MAML2: variants seen among roughly 807,000 people sequenced by gnomAD.
MAML2 encodes mastermind like transcriptional coactivator 2, also known as mastermind-like protein 2.
Under a neutral mutation model 96.1 loss-of-function variants are expected in MAML2, and 22 were observed. The ratio of observed to expected loss-of-function variants is 0.23; its 90% confidence interval spans 0.16 to 0.33. The LOEUF (loss-of-function observed/expected upper bound fraction) is 0.33, where lower values mean the gene tolerates loss of function less well. MAML2 is among the 10% of genes least tolerant of loss of function. The pLI, the probability that MAML2 is intolerant of heterozygous loss-of-function variation, is 1.00. For synonymous variants in MAML2, 561 were observed against 521.3 expected (o/e 1.08, Z -1.04); for missense variants, 1,367 against 1,392.4 (o/e 0.98, Z 0.29).
At position 96,244,916 on chromosome 11, in the gene MAML2, T is replaced by TTA. The variant is rs577285364; in HGVS notation, c.513+96465_513+96466dup. On this transcript the variant is annotated intron_variant, in intron 1 of 4. Coordinates refer to ENST00000524717, the MANE Select transcript of MAML2 (RefSeq NM_032427.4). ...CAGTCATAAGATGTGCACAAAATAC[T>TTA]TAAAAAAAGGATCTATTTTGTCCAC... 2.9e-3 allele frequency among the ~76,000 whole-genome samples: 446 copies of TTA among 152,226 alleles called. 2 individuals are homozygous for TTA. Among genetic ancestry groups the TTA allele is most frequent in the South Asian group, 0.014 (69 of 4,822 alleles).
chr11:96,296,657 T>A (rs146778884), intron 1 of MAML2, among the ~76,000 whole-genome samples: 2,498 of 151,764 alleles, frequency 0.016, 26 homozygotes, highest in Non-Finnish European at 0.02. Flanking sequence ...AAAATAAAAT[T>A]AAATAAATAA....
At chr11:96,336,813 T>C (rs1020748237) in intron 1 of MAML2, among the ~76,000 whole-genome samples, 1 of 152,252 alleles carries the variant, frequency 6.6e-6, no homozygotes, top group Non-Finnish European at 1.5e-5. Context: ...TGAAAGCCCA[T>C]ATTTAAACAT....
intron 1 of MAML2, among the ~76,000 whole-genome samples, chr11:96,201,776 C>T (rs1305477752): frequency 2.0e-5 from 3 of 150,476 alleles, no homozygotes; most frequent in East Asian, 4.0e-4. Context: ...AAAATTAGCC[C>T]AGCGTGGTGG....
intron 1 of MAML2, among the ~76,000 whole-genome samples, chr11:96,125,014 T>C (rs1269625760): frequency 6.6e-6 from 1 of 152,228 alleles, no homozygotes; most frequent in Non-Finnish European, 1.5e-5. Context: ...TTTTGTTACA[T>C]ATCACATGAG....
At chr11:96,058,540 C>T (rs183165969) in intron 2 of MAML2, among the ~76,000 whole-genome samples, 1,553 of 152,134 alleles carry the variant, frequency 0.01, 25 homozygotes, top group African/African-American at 0.035. Flanking sequence ...AGGCTGGTCT[C>T]GAACTCCTGA....
chr11:96,300,490 T>C (rs1863371767), intron 1 of MAML2, among the ~76,000 whole-genome samples: 1 of 152,204 alleles, frequency 6.6e-6, no homozygotes, highest in African/African-American at 2.4e-5. Flanking sequence ...AACTCTGTTT[T>C]GAGGTACCCT....
intron 1 of MAML2, among the ~76,000 whole-genome samples, chr11:96,306,000 AAC>A (rs1863456346): frequency 6.6e-6 from 1 of 152,206 alleles, no homozygotes; most frequent in Non-Finnish European, 1.5e-5. Context: ...CACAATAAGA[AAC>A]ATACCTTTCT....
rs547701639 is a variant in MAML2 at position 96,031,971 on chromosome 11, G to A, written c.2140-40248C>T. 2.6e-5 allele frequency among the ~76,000 whole-genome samples: 4 copies of A among 152,078 alleles called. No homozygotes were observed. In the South Asian group the frequency reaches 6.2e-4, roughly 24 times the overall value. On this transcript the variant is annotated intron_variant, in intron 2 of 4. Coordinates refer to ENST00000524717, the MANE Select transcript of MAML2 (RefSeq NM_032427.4). ...ACTGCACTCCAGCCTGGGTGACAGA[G>A]CGAGACTCTGTCTAAAAATTAAAAA...
chr11:96,180,655 G>A (rs1006522849), intron 1 of MAML2, among the ~76,000 whole-genome samples: 1 of 152,176 alleles, frequency 6.6e-6, no homozygotes, highest in Non-Finnish European at 1.5e-5. Flanking sequence ...CAAATTATAG[G>A]CTCAAGGGCA....
chr11:96,316,788 A>C (rs1863638459), intron 1 of MAML2, among the ~76,000 whole-genome samples: 1 of 152,208 alleles, frequency 6.6e-6, no homozygotes, highest in South Asian at 2.1e-4. Flanking sequence ...CAGTATGGAC[A>C]ATACTAGAAA....
chr11:96,312,500 C>T (rs1282211569), intron 1 of MAML2, among the ~76,000 whole-genome samples: 1 of 152,172 alleles, frequency 6.6e-6, no homozygotes, highest in African/African-American at 2.4e-5. Context: ...GCCCCGAGAG[C>T]TCATCCCAGG....
intron 3 of MAML2, among the ~76,000 whole-genome samples, chr11:95,990,398 G>A (rs532897286): frequency 2.6e-4 from 39 of 152,150 alleles, no homozygotes; most frequent in African/African-American, 9.4e-4. Context: ...ATAATATGTA[G>A]TATCCTTTAT....
In MAML2 at chr11:96,325,545, T is replaced by G. The variant is rs535671653; in HGVS notation, c.513+15838A>C. Among the ~76,000 whole-genome samples the G allele has an allele frequency of 3.9e-5, 6 of 152,356 alleles. No homozygotes were observed. In the East Asian group the frequency reaches 1.2e-3, roughly 29 times the overall value. ...GTTTCTGTGAGGACTCTGTAGGTCATGTACATATATTATTATTATGACCAT... is the reference window on the plus strand; with the variant it reads ...GTTTCTGTGAGGACTCTGTAGGTCAGGTACATATATTATTATTATGACCAT... On this transcript the variant is annotated intron_variant, in intron 1 of 4. Coordinates refer to ENST00000524717, the MANE Select transcript of MAML2 (RefSeq NM_032427.4).
intron 1 of MAML2, among the ~76,000 whole-genome samples, chr11:96,246,537 T>A (rs1261653981): frequency 6.6e-6 from 1 of 152,090 alleles, no homozygotes; most frequent in African/African-American, 2.4e-5. Context: ...AAAAACTCTG[T>A]TTGTAAACTG....
chr11:96,057,847 A>T (rs567413411), intron 2 of MAML2, among the ~76,000 whole-genome samples: 1 of 152,236 alleles, frequency 6.6e-6, no homozygotes. Flanking sequence ...CACAACTGAG[A>T]GTGATCTTTA....
rs58889757 is a variant in MAML2, at chr11:96,291,115, CTTTTTTTTTTT to C, written c.513+50257_513+50267del. On this transcript the variant is annotated intron_variant, in intron 1 of 4. Coordinates refer to ENST00000524717, the MANE Select transcript of MAML2 (RefSeq NM_032427.4). Reference sequence around the variant, plus strand: ...ACATCTGTGTTAGTTTTTCACAAGCCTTTTTTTTTTTTTTTTTTTTTTTTTTTGAGATGTAG... The same window carrying C: ...ACATCTGTGTTAGTTTTTCACAAGCCTTTTTTTTTTTTTTTTGAGATGTAG... Among the ~76,000 whole-genome samples, 349 of 69,072 alleles carry C rather than the reference CTTTTTTTTTTT, an allele frequency of 5.1e-3. 2 individuals carry two copies. The highest frequency in any genetic ancestry group is 0.02 in the African/African-American group (328 of 16,690). 45.3% of individuals were successfully genotyped at this position (69,072 alleles called of 152,430 possible).
At chr11:96,093,764 T>A (rs555784790) in intron 1 of MAML2, among the ~76,000 whole-genome samples, 39 of 152,324 alleles carry the variant, frequency 2.6e-4, no homozygotes, top group African/African-American at 8.4e-4. Flanking sequence ...GATCAGTGGT[T>A]CCCATGAGTG....
At chr11:96,171,700 G>A (rs1030744414) in intron 1 of MAML2, among the ~76,000 whole-genome samples, 4 of 152,264 alleles carry the variant, frequency 2.6e-5, no homozygotes, top group African/African-American at 7.2e-5. Context: ...AGCCAAATCA[G>A]AGCTGGAGAC....
At chr11:96,139,350 G>A (rs1047492233) in intron 1 of MAML2, among the ~76,000 whole-genome samples, 7 of 152,020 alleles carry the variant, frequency 4.6e-5, no homozygotes, top group South Asian at 2.1e-4. Context: ...GGTGGCGGGC[G>A]CCTGTAGCCC....
Sources: allele counts gnomAD v4.1 joint callset (sites outside exome capture counted in the v4.1 genomes callset), GRCh38; gene constraint gnomAD v4.1.1; transcripts MANE v1.5; gene names NCBI Gene and HGNC (gene_info 2026-07-23, HGNC 2026-07-21).